CHTOP: variants seen among roughly 807,000 people sequenced by gnomAD.
The protein encoded by CHTOP is chromatin target of PRMT1 protein.
In CHTOP, 18 loss-of-function variants were observed where a neutral mutation model predicts 33.6. That is an observed-to-expected ratio of 0.54 (90% CI 0.37 to 0.80). The LOEUF (loss-of-function observed/expected upper bound fraction) is 0.80. Ranked by LOEUF, CHTOP falls within the 30% of genes least tolerant of loss-of-function variation. The probability of loss-of-function intolerance (pLI) is 0.00; values close to 1 mark genes in which losing one functional copy is unlikely to be tolerated. For missense variants in CHTOP, 263 were observed against 336.8 expected, an observed-to-expected ratio of 0.78 and a Z score of 1.71; for synonymous variants, 117 against 127.7, an observed-to-expected ratio of 0.92 and a Z score of 0.56.
intron 1 of CHTOP, among the ~76,000 whole-genome samples, chr1:153,636,192 G>A (rs1668391463): frequency 6.6e-6 from 1 of 151,270 alleles, no homozygotes; most frequent in African/African-American, 2.4e-5. Flanking sequence ...CCCTCCCAAA[G>A]TGTTAGGGTT....
chr1:153,644,985 T>C, intron 5 of CHTOP, 79 bp from the exon 6 acceptor site: 12 of 1,350,092 alleles, frequency 8.9e-6, no homozygotes, highest in Non-Finnish European at 1.2e-5. Flanking sequence ...GCCCCACTGC[T>C]CTAAGGGGCA....
intron 1 of CHTOP, among the ~76,000 whole-genome samples, chr1:153,634,703 G>T (rs1313206512): frequency 2.0e-5 from 3 of 152,066 alleles, no homozygotes; most frequent in African/African-American, 7.2e-5. Context: ...GGCTCTTTGC[G>T]AGCTAATTCC....
At chr1:153,639,895 G>A (rs928257094) in intron 3 of CHTOP, among the ~76,000 whole-genome samples, 1 of 152,044 alleles carries the variant, frequency 6.6e-6, no homozygotes, top group South Asian at 2.1e-4. Context: ...GGGTTCAAGC[G>A]ATTCTCCTGT....
At chr1:153,644,747 T>A (rs962908941) in intron 5 of CHTOP, among the ~76,000 whole-genome samples, 1 of 152,248 alleles carries the variant, frequency 6.6e-6, no homozygotes, top group African/African-American at 2.4e-5. Flanking sequence ...GAATCTCAAA[T>A]GTTAGGTAAT....
chr1:153,642,349 T>C lies in CHTOP; in HGVS notation c.323T>C (p.Ile108Thr), dbSNP rs773864266. 6.2e-7 allele frequency: 1 copy of C among 1,614,102 alleles called. No homozygotes were observed. The highest frequency in any genetic ancestry group is 1.7e-5 in the Admixed American group (1 of 60,024). ...ATCGGAGGACGAGGCCTACCCATAA[T>C]CCAGAGAGGCTTGCCCAGAGGAGGA... Reference protein sequence around the residue: ...GAIGGRGLPIIQRGLPRGGLR... With the variant: ...GAIGGRGLPITQRGLPRGGLR... Residue 108 changes from isoleucine (I) to threonine (T), a missense_variant, in exon 4 of 6, where the codon ATC becomes ACC. Transcript: ENST00000368694.
At chr1:153,643,028 A>G in intron 4 of CHTOP, 199 bp from the exon 5 acceptor site, 1 of 629,096 alleles carries the variant, frequency 1.6e-6, no homozygotes, top group Non-Finnish European at 2.8e-6. Context: ...CCCAACTTCC[A>G]AAAATGGATT....
At chr1:153,636,837 A>T in intron 2 of CHTOP, 184 bp downstream of exon 2, 1 of 573,792 alleles carries the variant, frequency 1.7e-6, no homozygotes, top group Non-Finnish European at 3.2e-6. Context: ...ACCCCTTATC[A>T]GTAGACTTTT....
intron 3 of CHTOP, among the ~76,000 whole-genome samples, chr1:153,640,196 ATTTAAT>A (rs1668568318): frequency 6.6e-6 from 1 of 151,988 alleles, no homozygotes; most frequent in African/African-American, 2.4e-5. Flanking sequence ...ATTTTTTTTA[ATTTAAT>A]TTTAGGCCAG....
rs1358350430 is a variant in CHTOP, at chr1:153,639,249, A to G, written c.219+801A>G. 4 of 161,092 alleles carry G rather than the reference A, an allele frequency of 2.5e-5. No homozygotes were observed. The Admixed American group carries it at 2.6e-4, about 11-fold the overall frequency. The allele number at this position is 161,092 out of a possible 1,614,324, so 10.0% of individuals were successfully genotyped here. On this transcript the variant is annotated intron_variant, in intron 3 of 5. Transcript: ENST00000368694. ...TCATTTCCACAGCACCTAAAGTTTT[A>G]CCAGTAAAGTGGAGCAAGAATACTG...
At chr1:153,638,040 C>T in intron 2 of CHTOP, 1 of 466,726 alleles carries the variant, frequency 2.1e-6, no homozygotes, top group Non-Finnish European at 3.9e-6. Context: ...TTCCACCTCT[C>T]TAAAAGCCGT....
At chr1:153,634,691 A>G (rs1668264183) in intron 1 of CHTOP, among the ~76,000 whole-genome samples, 1 of 67,342 alleles carries the variant, frequency 1.5e-5, no homozygotes, top group South Asian at 6.1e-4. Context: ...AGTTTTGTGG[A>G]GGGCTCTTTG....
intron 3 of CHTOP, 104 bp downstream of exon 3, chr1:153,638,552 C>A: frequency 1.1e-5 from 15 of 1,326,306 alleles, no homozygotes; most frequent in East Asian, 2.5e-5. Context: ...TGGCTCAGGG[C>A]AAAAAGCTGA....
At chr1:153,636,165 AC>A (rs1225007532) in intron 1 of CHTOP, among the ~76,000 whole-genome samples, 3 of 150,952 alleles carry the variant, frequency 2.0e-5, no homozygotes, top group Non-Finnish European at 2.9e-5. Flanking sequence ...CTGGCTTCAA[AC>A]CATCCTGTGC....
At position 153,642,289 on chromosome 1, in the gene CHTOP, T is replaced by C; in HGVS notation, c.263T>C (p.Leu88Ser). The change falls in exon 4 of 6, where the codon TTA (leucine) becomes TCA (serine). Residue 88 changes from leucine (L) to serine (S), a missense_variant. Coordinates refer to ENST00000368694, the MANE Select transcript of CHTOP (RefSeq NM_015607.4). Reference protein sequence around the residue: ...RLGKSNIQARLGRPIGALARG... With the variant: ...RLGKSNIQARSGRPIGALARG... ...GGTAAGAGTAACATCCAGGCACGGT[T>C]AGGCCGACCCATAGGGGCCCTGGCC... 3 of 1,614,114 alleles carry C rather than the reference T, an allele frequency of 1.9e-6. No individual in the cohort carries two copies. Among genetic ancestry groups the C allele is most frequent in the Non-Finnish European group, 1.7e-6 (2 of 1,179,996 alleles).
intron 3 of CHTOP, among the ~76,000 whole-genome samples, chr1:153,640,927 A>G (rs934758231): frequency 2.0e-5 from 3 of 152,214 alleles, no homozygotes; most frequent in South Asian, 2.1e-4. Flanking sequence ...GAATGGGTAA[A>G]GAACTTCCCA....
chr1:153,636,662 G>A lies in CHTOP; in HGVS notation c.65+9G>A, dbSNP rs1162432215. 3.2e-5 allele frequency: 52 copies of A among 1,611,490 alleles called. No homozygotes were observed. The highest frequency in any genetic ancestry group is 4.3e-5 in the Non-Finnish European group (51 of 1,177,944). ...ATGTCTCTAAATGAGCGGTGAGGCA[G>A]CCAACAGCAACTTCAACTCCTTCCT... On this transcript the variant is annotated intron_variant, in intron 2 of 5. Coordinates refer to ENST00000368694, the MANE Select transcript of CHTOP (RefSeq NM_015607.4).
chr1:153,642,577 C>T, intron 4 of CHTOP, 148 bp downstream of exon 4: 2 of 596,072 alleles, frequency 3.4e-6, no homozygotes, highest in Admixed American at 3.5e-5. Flanking sequence ...AATAGTGCTG[C>T]ATGTCTTTTA....
chr1:153,642,800 C>A (rs1266765223), intron 4 of CHTOP: 1 of 221,398 alleles, frequency 4.5e-6, no homozygotes, highest in East Asian at 1.3e-4. Flanking sequence ...AACACTGATA[C>A]AGCTGGAAAA....
chr1:153,641,181 CT>C (rs1320276417), intron 3 of CHTOP, among the ~76,000 whole-genome samples: 1 of 152,208 alleles, frequency 6.6e-6, no homozygotes, highest in African/African-American at 2.4e-5. Flanking sequence ...TTCACAGCAT[CT>C]TTTTGAGAGG....
Sources: allele counts gnomAD v4.1 joint callset (sites outside exome capture counted in the v4.1 genomes callset), GRCh38; gene constraint gnomAD v4.1.1; transcripts MANE v1.5; gene names NCBI Gene and HGNC (gene_info 2026-07-23, HGNC 2026-07-21).